The following ATP10A variants were observed in gnomAD, a reference collection of about 807,000 sequenced individuals.
ATP10A encodes phospholipid-transporting ATPase VA.
A neutral mutation model predicts 147.8 loss-of-function variants in ATP10A; 111 were observed. The ratio of observed to expected loss-of-function variants is 0.75; its 90% CI spans 0.64 to 0.88. The LOEUF (loss-of-function observed/expected upper bound fraction) is 0.88, where lower values mean the gene tolerates loss of function less well. Ranked by LOEUF, ATP10A falls within the 40% of genes least tolerant of loss-of-function variation. The pLI is 0.00. For synonymous variants in ATP10A, 875 were observed against 841.6 expected (o/e 1.04, Z -0.69); for missense variants, 1,927 against 1,959.0 (o/e 0.98, Z 0.31).
chr15:25,787,501 C>T (rs1408180307), intron 1 of ATP10A, among the ~76,000 whole-genome samples: 5 of 151,512 alleles, frequency 3.3e-5, no homozygotes, highest in Non-Finnish European at 7.4e-5. Context: ...GTCCGAGCTA[C>T]TCAGAAAGCT....
chr15:25,672,852 C>T (rs117244859), downstream of ATP10A, among the ~76,000 whole-genome samples: 405 of 152,044 alleles, frequency 2.7e-3, no homozygotes, highest in Admixed American at 6.0e-3. Context: ...GAGGGTAGAC[C>T]GAGGGTAAGG....
intron 12 of ATP10A, among the ~76,000 whole-genome samples, chr15:25,705,565 A>C (rs1327299498): frequency 6.6e-6 from 1 of 152,278 alleles, no homozygotes; most frequent in African/African-American, 2.4e-5. Flanking sequence ...GCTGGAACAC[A>C]GTGCCCGCGT....
chr15:25,702,051 A>T lies in ATP10A; in HGVS notation c.2625T>A (p.Ile875=). Residue 875 remains isoleucine, a synonymous_variant, in exon 13 of 21, where the codon ATT becomes ATA. Coordinates refer to ENST00000555815, the MANE Select transcript of ATP10A (RefSeq NM_024490.4). ...GCAGGCCCGCTTGACGCAATTTAGA[A>T]ATAGTTTCAGGGACTCCGTCCTGCA... ...DRLQDGVPET[I]SKLRQAGLQI... is the part of the protein sequence containing the mutation. The T allele has an allele frequency of 6.2e-7, 1 of 1,614,118 alleles. No homozygotes were observed.
intron 1 of ATP10A, among the ~76,000 whole-genome samples, chr15:25,796,687 CAT>C (rs1367318195): frequency 6.6e-6 from 1 of 152,182 alleles, no homozygotes; most frequent in Non-Finnish European, 1.5e-5. Flanking sequence ...GTCAGAGCCA[CAT>C]GTGTCCTGGG....
chr15:25,768,595 G>A (rs1889157233), intron 2 of ATP10A, among the ~76,000 whole-genome samples: 1 of 149,994 alleles, frequency 6.7e-6, no homozygotes, highest in Non-Finnish European at 1.5e-5. Context: ...TCAGGCTGGG[G>A]TGCAATGGCA....
Position 25,708,095 on chromosome 15 carries a change from C to T in ATP10A, c.2456G>A (p.Ser819Asn), listed in dbSNP as rs909188596. The T allele has an allele frequency of 3.1e-6, 5 of 1,614,086 alleles. No individual in the cohort carries two copies. The African/African-American group carries it at 4.0e-5, about 13-fold the overall frequency. The change falls in exon 12 of 21, where the codon AGT (serine) becomes AAT (asparagine). Residue 819 changes from serine (S) to asparagine (N), a missense_variant. Transcript: ENST00000555815. ...CAACCAGCAGGCATACTCTTCTTTA[C>T]TCAGAACCTATGGGAGATACATTGT... ...RTLCIAKRVLSKEEYACWLQS... is the reference protein window; with the variant it reads ...RTLCIAKRVLNKEEYACWLQS...
At chr15:25,747,423 G>A (rs1432449048) in intron 2 of ATP10A, among the ~76,000 whole-genome samples, 1 of 151,646 alleles carries the variant, frequency 6.6e-6, no homozygotes, top group Non-Finnish European at 1.5e-5. Context: ...AAATTAATGA[G>A]CTAGGCACAA....
At chr15:25,703,966 G>T (rs897525765) in intron 12 of ATP10A, among the ~76,000 whole-genome samples, 1 of 152,216 alleles carries the variant, frequency 6.6e-6, no homozygotes, top group Non-Finnish European at 1.5e-5. Context: ...ACCACACAGC[G>T]TGTGGAGCTT....
At chr15:25,798,455 C>A (rs1028522985) in intron 1 of ATP10A, among the ~76,000 whole-genome samples, 1 of 152,150 alleles carries the variant, frequency 6.6e-6, no homozygotes, top group Non-Finnish European at 1.5e-5. Flanking sequence ...CAGCAGACAC[C>A]CACGCAAGTC....
chr15:25,707,779 C>T (rs566864299), intron 12 of ATP10A, among the ~76,000 whole-genome samples, 197 bp downstream of exon 12: 47 of 152,292 alleles, frequency 3.1e-4, no homozygotes, highest in Non-Finnish European at 6.5e-4. Context: ...GGGGGCAGCA[C>T]GTGCACCTCA....
At chr15:25,801,505 A>G (rs1018102781) in intron 1 of ATP10A, among the ~76,000 whole-genome samples, 13 of 152,206 alleles carry the variant, frequency 8.5e-5, no homozygotes, top group African/African-American at 2.4e-4. Context: ...CGTCAGGCAG[A>G]GCACTGAGAA....
In ATP10A at chr15:25,694,973, G is replaced by T; in HGVS notation, c.2934C>A (p.Ser978Arg). 1.2e-6 allele frequency: 2 copies of T among 1,614,212 alleles called. No homozygotes were observed. Among genetic ancestry groups the T allele is most frequent in the Non-Finnish European group, 1.7e-6 (2 of 1,180,048 alleles). Reference protein sequence around the residue: ...RRPSLVIDGRSLAYALEKNLE... With the variant: ...RRPSLVIDGRRLAYALEKNLE... Reference sequence around the variant, plus strand: ...GGTTTTTCTCGAGAGCGTAGGCCAGGCTTCTCCCATCGATCACGAGGCTGG... The same window carrying T: ...GGTTTTTCTCGAGAGCGTAGGCCAGTCTTCTCCCATCGATCACGAGGCTGG... Residue 978 changes from serine to arginine, a missense_variant, in exon 14 of 21, where the codon AGC becomes AGA. Ser to Arg is a moderately radical substitution (Grantham distance 110). Transcript: ENST00000555815.
rs148636789 is a variant in ATP10A, at chr15:25,706,772, G to A, written c.2575+1204C>T. 4.1e-3 allele frequency among the ~76,000 whole-genome samples: 617 copies of A among 152,308 alleles called. 4 individuals are homozygous for A. Among genetic ancestry groups the A allele is most frequent in the African/African-American group, 0.014 (597 of 41,566 alleles). ...ATTTGAGAAGTTAGTGCTGTCCAGG[G>A]GAAAAGCTGCTCCCTGGGGAAGGTG... On this transcript the variant is annotated intron_variant, in intron 12 of 20. Coordinates refer to ENST00000555815, the MANE Select transcript of ATP10A (RefSeq NM_024490.4).
intron 13 of ATP10A, among the ~76,000 whole-genome samples, chr15:25,698,760 T>G (rs1435789324): frequency 2.0e-5 from 3 of 152,200 alleles, no homozygotes; most frequent in Non-Finnish European, 4.4e-5. Flanking sequence ...AATTTTCAAC[T>G]TTTGGATGGG....
chr15:25,804,845 T>C lies in ATP10A; in HGVS notation c.450-23622A>G, dbSNP rs1026222032. The stretch of plus-strand genomic sequence containing the variant: ...AGTGTTTGTTGAATAGTTGAAAAAA[T>C]TGATATGAAAGTTCTTTTAGAAGTA... On this transcript the variant is annotated intron_variant, in intron 1 of 20. Transcript: ENST00000555815. 3.3e-5 allele frequency among the ~76,000 whole-genome samples: 5 copies of C among 152,232 alleles called. No individual in the cohort carries two copies. The South Asian group carries it at 6.2e-4, about 19-fold the overall frequency.
chr15:25,708,287 C>T lies in ATP10A; in HGVS notation c.2358G>A (p.Gly786=), dbSNP rs142165332. ...TGCTCCGAATCTTTTTTTGATGCCT[C>T]CCTCTGGCGTCAACTAGGTTGGAGA... is the stretch of plus-strand genomic sequence containing the variant. ...LQPCSSVDAR[G]RHQKKIRSKT... Residue 786 remains glycine (G), a synonymous_variant, in exon 11 of 21, where the codon GGG becomes GGA. Transcript: ENST00000555815. The T allele has an allele frequency of 8.1e-6, 13 of 1,613,884 alleles. No homozygotes were observed. Among genetic ancestry groups the T allele is most frequent in the Non-Finnish European group, 1.0e-5 (12 of 1,179,936 alleles).
intron 2 of ATP10A, among the ~76,000 whole-genome samples, chr15:25,749,081 A>G (rs910443196): frequency 1.3e-5 from 2 of 151,018 alleles, no homozygotes; most frequent in African/African-American, 4.9e-5. Flanking sequence ...AAAAAAAAAA[A>G]AAGAATTAAT....
At chr15:25,718,548 G>A in intron 7 of ATP10A, 149 bp from the exon 8 acceptor site, 1 of 765,696 alleles carries the variant, frequency 1.3e-6, no homozygotes, top group Non-Finnish European at 2.1e-6. Context: ...GCAAGGCACG[G>A]AGAACATCCT....
Position 25,679,626 on chromosome 15 carries a change from A to C in ATP10A, c.4215T>G (p.Ser1405Arg). Residue 1405 changes from serine (S) to arginine (R), a missense_variant, in exon 21 of 21, where the codon AGT becomes AGG. By Grantham distance (110) the Ser-to-Arg change is moderately radical. Transcript: ENST00000555815. ...SSAPGEAVLR[S>R]PGGCPEESKV... ...TGGACTCCTCAGGACACCCTCCTGG[A>C]CTCCTCAGGACAGCCTCCCCTGGCG... 1 of 1,612,940 alleles carries C rather than the reference A, an allele frequency of 6.2e-7. No homozygotes were observed. Among genetic ancestry groups the C allele is most frequent in the Non-Finnish European group, 8.5e-7 (1 of 1,179,732 alleles).
Sources: allele counts gnomAD v4.1 joint callset (sites outside exome capture counted in the v4.1 genomes callset), GRCh38; gene constraint gnomAD v4.1.1; transcripts MANE v1.5; gene names NCBI Gene and HGNC (gene_info 2026-07-23, HGNC 2026-07-21).